Variants in DOCK2 observed in about 807,000 individuals in gnomAD.
DOCK2 encodes dedicator of cytokinesis protein 2.
Under a neutral mutation model 248.9 loss-of-function variants are expected in DOCK2, and 87 were observed. The ratio of observed to expected loss-of-function variants is 0.35; its 90% confidence interval spans 0.29 to 0.42. The LOEUF (loss-of-function observed/expected upper bound fraction) is 0.42. Ranked by LOEUF, DOCK2 falls within the 10% of genes least tolerant of loss-of-function variation. The pLI is 1.00. For synonymous variants in DOCK2, 805 were observed against 821.6 expected, an observed-to-expected ratio of 0.98 and a Z score of 0.35; for missense variants, 1,747 against 2,300.2, an observed-to-expected ratio of 0.76 and a Z score of 4.92.
intron 1 of DOCK2, among the ~76,000 whole-genome samples, chr5:169,653,186 T>C (rs1041669548): frequency 6.6e-6 from 1 of 152,208 alleles, no homozygotes; most frequent in Non-Finnish European, 1.5e-5. Context: ...GTCTGGGATA[T>C]AAGTGATTGC....
At chr5:169,780,331 GT>G (rs1448925028) in intron 25 of DOCK2, among the ~76,000 whole-genome samples, 100 of 114,580 alleles carry the variant, frequency 8.7e-4, no homozygotes, top group African/African-American at 2.6e-3. Context: ...GTGTGTGTGT[GT>G]GTGTGTGTTG....
intron 27 of DOCK2, among the ~76,000 whole-genome samples, chr5:169,876,084 C>T (rs1772315871): frequency 6.6e-6 from 1 of 152,192 alleles, no homozygotes; most frequent in South Asian, 2.1e-4. Context: ...TGCCATGCCT[C>T]CTGGCTTGTG....
At chr5:169,989,499 G>A (rs1252488650) in intron 29 of DOCK2, among the ~76,000 whole-genome samples, 1 of 152,216 alleles carries the variant, frequency 6.6e-6, no homozygotes, top group Non-Finnish European at 1.5e-5. Flanking sequence ...CAGGGTTGTA[G>A]GCAATGGACA....
At chr5:169,883,841 A>T (rs1380536849) in intron 27 of DOCK2, 1 of 1,543,770 alleles carries the variant, frequency 6.5e-7, no homozygotes. Flanking sequence ...AACTCCACTG[A>T]TTCTAGACTG....
intron 27 of DOCK2, among the ~76,000 whole-genome samples, chr5:169,907,226 T>C (rs1449336567): frequency 6.6e-6 from 1 of 152,200 alleles, no homozygotes; most frequent in Non-Finnish European, 1.5e-5. Flanking sequence ...TGATTTTGCA[T>C]TTGGTTTGCG....
At chr5:169,901,432 T>G (rs1034052479) in intron 27 of DOCK2, among the ~76,000 whole-genome samples, 11 of 152,110 alleles carry the variant, frequency 7.2e-5, no homozygotes, top group African/African-American at 1.9e-4. Flanking sequence ...TGTGTGTGTG[T>G]GGGCATGCAT....
chr5:169,735,483 C>T (rs1382948726), intron 22 of DOCK2, among the ~76,000 whole-genome samples: 1 of 152,078 alleles, frequency 6.6e-6, no homozygotes, highest in Non-Finnish European at 1.5e-5. Context: ...GGAATCTATC[C>T]CTGTATTTTC....
intron 46 of DOCK2, among the ~76,000 whole-genome samples, chr5:170,069,815 TTC>T (rs1415143827): frequency 5.9e-5 from 9 of 152,210 alleles, no homozygotes; most frequent in African/African-American, 2.2e-4. Flanking sequence ...TCTCCTTCCA[TTC>T]TCTCTTTGCA....
chr5:169,862,839 C>T (rs564898613), intron 27 of DOCK2, among the ~76,000 whole-genome samples: 5 of 152,330 alleles, frequency 3.3e-5, no homozygotes, highest in African/African-American at 7.2e-5. Context: ...GTACATCCCA[C>T]GAACACACAG....
chr5:169,926,446 C>T (rs1442015321), intron 27 of DOCK2, among the ~76,000 whole-genome samples: 3 of 152,112 alleles, frequency 2.0e-5, no homozygotes, highest in Non-Finnish European at 2.9e-5. Context: ...ACATGAGCCT[C>T]GGATTATGGT....
chr5:169,784,449 T>A (rs978455471), intron 25 of DOCK2, among the ~76,000 whole-genome samples: 2 of 152,214 alleles, frequency 1.3e-5, no homozygotes, highest in African/African-American at 4.8e-5. Flanking sequence ...GAATTGGGAT[T>A]AAAAGTTAGG....
intron 1 of DOCK2, among the ~76,000 whole-genome samples, chr5:169,646,256 C>T (rs970399775): frequency 2.6e-5 from 4 of 152,146 alleles, no homozygotes; most frequent in Non-Finnish European, 5.9e-5. Context: ...GTTGTAGATG[C>T]GTGGTGTTAT....
At chr5:169,744,147 C>T (rs1763475620) in intron 22 of DOCK2, among the ~76,000 whole-genome samples, 1 of 151,990 alleles carries the variant, frequency 6.6e-6, no homozygotes, top group African/African-American at 2.4e-5. Flanking sequence ...TATCTGCCTT[C>T]CCCTGTTAGA....
At chr5:169,989,626 A>G (rs538041054) in intron 29 of DOCK2, among the ~76,000 whole-genome samples, 39 of 152,344 alleles carry the variant, frequency 2.6e-4, no homozygotes, top group African/African-American at 9.1e-4. Context: ...GAGCCCAGAC[A>G]GAGACCAGAG....
chr5:169,851,059 T>A lies in DOCK2; in HGVS notation c.2799+10207T>A, dbSNP rs1449951910. ...GTGCTCCACAGTAAAGTGAGACCCA[T>A]GTGGGAAGGGACCACTTCCTTTTAT... On this transcript the variant is annotated intron_variant, in intron 27 of 51. Coordinates refer to ENST00000520908, the MANE Select transcript of DOCK2 (RefSeq NM_004946.3). Among the ~76,000 whole-genome samples, 4 of 152,352 alleles carry A rather than the reference T, an allele frequency of 2.6e-5. No homozygotes were observed. The East Asian group carries it at 7.7e-4, about 29-fold the overall frequency.
chr5:169,801,321 AG>A (rs1766977550), intron 25 of DOCK2, among the ~76,000 whole-genome samples: 1 of 151,960 alleles, frequency 6.6e-6, no homozygotes, highest in Non-Finnish European at 1.5e-5. Flanking sequence ...CATTTCATGT[AG>A]TGCTTAAGAG....
chr5:169,689,282 G>T lies in DOCK2; in HGVS notation c.792G>T (p.Arg264=), dbSNP rs1305206146. 9.3e-6 allele frequency: 15 copies of T among 1,614,064 alleles called. No individual in the cohort carries two copies. The highest frequency in any genetic ancestry group is 1.3e-5 in the Non-Finnish European group (15 of 1,179,986). ...ACTACCTAGTGCGATGGGGCAGCCG[G>T]GGCTTCCCTAAGGAGATTGAGATGC... ...SENYLVRWGS[R]GFPKEIEMLN... is the part of the protein sequence containing the mutation. Residue 264 remains arginine, a synonymous_variant, in exon 9 of 52, where the codon CGG becomes CGT. Coordinates refer to ENST00000520908, the MANE Select transcript of DOCK2 (RefSeq NM_004946.3).
intron 1 of DOCK2, among the ~76,000 whole-genome samples, chr5:169,649,628 A>G (rs1757687701): frequency 6.6e-6 from 1 of 152,154 alleles, no homozygotes; most frequent in African/African-American, 2.4e-5. Context: ...CTGGTGAGGA[A>G]GCAGGGACTC....
intron 25 of DOCK2, among the ~76,000 whole-genome samples, chr5:169,787,252 G>A (rs1207451974): frequency 2.6e-5 from 4 of 152,164 alleles, no homozygotes; most frequent in East Asian, 1.9e-4. Context: ...CTTGATGGCC[G>A]ACATTTCCTT....
Sources: allele counts gnomAD v4.1 joint callset (sites outside exome capture counted in the v4.1 genomes callset), GRCh38; gene constraint gnomAD v4.1.1; transcripts MANE v1.5; gene names NCBI Gene and HGNC (gene_info 2026-07-23, HGNC 2026-07-21).